The following TMEM51 variants were observed in gnomAD, a reference collection of about 807,000 sequenced individuals.
TMEM51 encodes transmembrane protein 51.
TMEM51 carries 8 observed loss-of-function variants against 13.6 expected under a neutral mutation model. That is an observed-to-expected ratio of 0.59 (90% CI 0.35 to 1.07). The LOEUF (loss-of-function observed/expected upper bound fraction) is 1.07. TMEM51 is among the 50% of genes least tolerant of loss of function. The pLI, the probability that TMEM51 is intolerant of heterozygous loss-of-function variation, is 0.02. For missense variants in TMEM51, 279 were observed against 330.7 expected, an observed-to-expected ratio of 0.84 and a Z score of 1.21; for synonymous variants, 147 against 144.4, an observed-to-expected ratio of 1.02 and a Z score of -0.13.
At chr1:15,191,774 T>C in intron 1 of TMEM51, 1 of 324,948 alleles carries the variant, frequency 3.1e-6, no homozygotes, top group South Asian at 3.0e-5. Context: ...GCAAATCTTT[T>C]TATTTCCAGC....
intron 3 of TMEM51, among the ~76,000 whole-genome samples, chr1:15,215,649 C>T (rs1227391569): frequency 6.6e-6 from 1 of 152,220 alleles, no homozygotes; most frequent in Admixed American, 6.5e-5. Context: ...AAATGGATTA[C>T]AGGTAAACCA....
At chr1:15,155,022 T>G (rs1039474422) in intron 1 of TMEM51, among the ~76,000 whole-genome samples, 1 of 152,194 alleles carries the variant, frequency 6.6e-6, no homozygotes, top group Non-Finnish European at 1.5e-5. Flanking sequence ...ACAGCTTGTC[T>G]AGGGAACTGT....
At chr1:15,184,237 G>A (rs1643703228) in intron 1 of TMEM51, among the ~76,000 whole-genome samples, 1 of 152,196 alleles carries the variant, frequency 6.6e-6, no homozygotes. Flanking sequence ...ATGTTGGCCA[G>A]GATGATCTTG....
In TMEM51 at chr1:15,207,216, G is replaced by A. The variant is rs1199222998; in HGVS notation, c.-266-3274G>A. Reference sequence around the variant, plus strand: ...CTCTGTCATGGGGGTTGGTAGCACCGCCAGCCGCCTCCGACTGGCAAGACC... The same window carrying A: ...CTCTGTCATGGGGGTTGGTAGCACCACCAGCCGCCTCCGACTGGCAAGACC... On this transcript the variant is annotated intron_variant, in intron 1 of 3. Coordinates refer to ENST00000376008, the MANE Select transcript of TMEM51 (RefSeq NM_001136218.2). The surrounding 1 kb of genome is among the most constrained non-coding windows in gnomAD (Gnocchi z 4.6). Among the ~76,000 whole-genome samples the A allele has an allele frequency of 2.6e-5, 4 of 152,144 alleles. No homozygotes were observed. The highest frequency in any genetic ancestry group is 4.8e-5 in the African/African-American group (2 of 41,434).
chr1:15,184,499 G>T (rs1017415572), intron 1 of TMEM51, among the ~76,000 whole-genome samples: 5 of 152,188 alleles, frequency 3.3e-5, no homozygotes, highest in African/African-American at 1.2e-4. Context: ...GCCAGGCAGA[G>T]GAGTGACATG....
chr1:15,177,523 A>G (rs1643487455), intron 1 of TMEM51, among the ~76,000 whole-genome samples: 1 of 152,190 alleles, frequency 6.6e-6, no homozygotes. Flanking sequence ...GACTGAGAAC[A>G]GCTCATCCCG....
chr1:15,166,221 T>C (rs567044373), intron 1 of TMEM51, among the ~76,000 whole-genome samples: 2 of 152,348 alleles, frequency 1.3e-5, no homozygotes, highest in East Asian at 1.9e-4. Flanking sequence ...TGAAGACCCA[T>C]AGGCTTGTTA....
chr1:15,168,858 T>A, intron 1 of TMEM51: 4 of 1,221,466 alleles, frequency 3.3e-6, no homozygotes, highest in Non-Finnish European at 4.2e-6. Flanking sequence ...TTACAGATAT[T>A]TGGGGACTAC....
chr1:15,187,209 C>T (rs1249343284), intron 1 of TMEM51, among the ~76,000 whole-genome samples: 2 of 151,776 alleles, frequency 1.3e-5, no homozygotes, highest in South Asian at 2.1e-4. Flanking sequence ...CACCCCTCCC[C>T]GAGTCAGATC....
rs992094155 is a variant in TMEM51 at position 15,219,869 on chromosome 1, CGGCG to C, written c.*133_*136del. The C allele has an allele frequency of 9.2e-6, 10 of 1,083,844 alleles. No homozygotes were observed. The African/African-American group carries it at 1.3e-4, about 14-fold the overall frequency. The allele number at this position is 1,083,844 out of a possible 1,614,324, so 67.1% of individuals were successfully genotyped here. ...GCTGTGCATGGAGCCATTTGGATGG[CGGCG>C]GGCGGGGGGGGATTCTCTGTATCAG... On this transcript the variant is annotated 3_prime_UTR_variant, in exon 4 of 4. Coordinates refer to ENST00000376008, the MANE Select transcript of TMEM51 (RefSeq NM_001136218.2).
chr1:15,219,471 C>G lies in TMEM51; in HGVS notation c.490C>G (p.Leu164Val). Residue 164 changes from leucine (L) to valine (V), a missense_variant, in exon 4 of 4, where the codon CTG becomes GTG. Transcript: ENST00000376008. ...CATCTCTCTCCCGTCCTATGAGTCA[C>G]TGACGGGGCTCGACGAGACCACCCC... is the stretch of plus-strand genomic sequence containing the variant. The part of the protein sequence containing the change: ...LSISLPSYES[L>V]TGLDETTPTS... 6.2e-7 allele frequency: 1 copy of G among 1,614,156 alleles called. No individual in the cohort carries two copies. The highest frequency in any genetic ancestry group is 8.5e-7 in the Non-Finnish European group (1 of 1,180,020).
At chr1:15,202,471 C>A (rs1386419370) in intron 1 of TMEM51, among the ~76,000 whole-genome samples, 1 of 152,160 alleles carries the variant, frequency 6.6e-6, no homozygotes, top group East Asian at 1.9e-4. Flanking sequence ...GCCTCAGTTT[C>A]ATGGGTTAAC....
intron 1 of TMEM51, among the ~76,000 whole-genome samples, chr1:15,191,131 A>G (rs1222759397): frequency 6.6e-6 from 1 of 152,192 alleles, no homozygotes; most frequent in African/African-American, 2.4e-5. Flanking sequence ...CCGGAGTCAG[A>G]GAAGGAGGTG....
chr1:15,217,437 G>A (rs1391903605), intron 3 of TMEM51, among the ~76,000 whole-genome samples: 5 of 152,136 alleles, frequency 3.3e-5, no homozygotes, highest in African/African-American at 1.2e-4. Context: ...AATATATGCT[G>A]TATTGGTCAG....
chr1:15,164,922 C>T (rs941258835), intron 1 of TMEM51, among the ~76,000 whole-genome samples: 1 of 151,598 alleles, frequency 6.6e-6, no homozygotes, highest in African/African-American at 2.4e-5. Flanking sequence ...TCTGCCTCAG[C>T]CTCCCGAGTA....
intron 1 of TMEM51, among the ~76,000 whole-genome samples, chr1:15,193,985 T>C (rs775486521): frequency 2.0e-5 from 3 of 152,230 alleles, no homozygotes; most frequent in Non-Finnish European, 4.4e-5. Context: ...ACTGATTCAC[T>C]CAACAGATTC....
chr1:15,178,436 C>T (rs759235787), intron 1 of TMEM51, among the ~76,000 whole-genome samples: 1 of 152,124 alleles, frequency 6.6e-6, no homozygotes, highest in East Asian at 1.9e-4. Context: ...AAGCAGATGC[C>T]GGGCCTTACC....
chr1:15,186,195 G>A (rs932682596), intron 1 of TMEM51, among the ~76,000 whole-genome samples: 1 of 152,236 alleles, frequency 6.6e-6, no homozygotes, highest in African/African-American at 2.4e-5. Flanking sequence ...TAAATGGCGT[G>A]AAGGAGTCTG....
chr1:15,209,210 AC>A (rs1221758198), intron 1 of TMEM51, among the ~76,000 whole-genome samples: 3 of 151,286 alleles, frequency 2.0e-5, no homozygotes, highest in Admixed American at 2.0e-4. Flanking sequence ...AGCTGGGACT[AC>A]AGGTGTGAGC....
Sources: gnomAD v4.1 joint callset for allele counts (sites outside exome capture counted in the v4.1 genomes callset) on GRCh38, gnomAD v4.1.1 for gene constraint, Gnocchi (gnomAD v3.1) non-coding constraint, MANE v1.5 for transcripts, NCBI Gene and HGNC (gene_info 2026-07-23, HGNC 2026-07-21) for gene names.